The following PACS1 variants were observed in gnomAD, a reference collection of about 807,000 sequenced individuals.
The protein encoded by PACS1 is phosphofurin acidic cluster sorting protein 1, also known as PACS-1.
PACS1 carries 24 observed loss-of-function variants against 115.0 expected under a neutral mutation model. That is an observed-to-expected ratio of 0.21 (90% CI 0.15 to 0.29). The LOEUF (loss-of-function observed/expected upper bound fraction) is 0.29. PACS1 is among the 10% of genes least tolerant of loss of function. PACS1 has a pLI of 1.00. For missense variants in PACS1, 838 were observed against 1,251.2 expected, an observed-to-expected ratio of 0.67 and a Z score of 4.98; for synonymous variants, 453 against 504.5, an observed-to-expected ratio of 0.90 and a Z score of 1.37.
intron 1 of PACS1, among the ~76,000 whole-genome samples, chr11:66,184,904 C>G (rs1427993418): frequency 1.3e-5 from 2 of 152,180 alleles, no homozygotes; most frequent in Non-Finnish European, 2.9e-5. Flanking sequence ...CAGCGGTACT[C>G]TGTCCTTCCT....
In PACS1 at chr11:66,134,254, C is replaced by CTTTTTTTTTTTTTTTTTTTTTTTT. The variant is rs1162472902; in HGVS notation, c.357-59230_357-59207dup. ...TAAATTTCTTTTTCTTTTTCTTTTT[C>CTTTTTTTTTTTTTTTTTTTTTTTT]TTTTTTTTTTTTTTTTTTTTTTTTT... On this transcript the variant is annotated intron_variant, in intron 1 of 23. Transcript: ENST00000320580. 1.2e-4 allele frequency among the ~76,000 whole-genome samples: 9 copies of CTTTTTTTTTTTTTTTTTTTTTTTT among 75,064 alleles called. 2 individuals are homozygous for CTTTTTTTTTTTTTTTTTTTTTTTT. Among genetic ancestry groups the CTTTTTTTTTTTTTTTTTTTTTTTT allele is most frequent in the Admixed American group, 2.4e-4 (1 of 4,206 alleles). 49.2% of individuals were successfully genotyped at this position (75,064 alleles called of 152,430 possible).
intron 2 of PACS1, among the ~76,000 whole-genome samples, chr11:66,199,991 C>G (rs1854742074): frequency 6.6e-6 from 1 of 150,666 alleles, no homozygotes; most frequent in African/African-American, 2.4e-5. Flanking sequence ...TGCACTCCAA[C>G]CCAGGCAACT....
chr11:66,177,295 C>T (rs532131377), intron 1 of PACS1, among the ~76,000 whole-genome samples: 12 of 152,018 alleles, frequency 7.9e-5, no homozygotes, highest in South Asian at 2.1e-4. Context: ...CGGGTTCAAG[C>T]GATTCTCCTG....
intron 1 of PACS1, among the ~76,000 whole-genome samples, chr11:66,110,799 C>G (rs1190064709): frequency 1.3e-5 from 2 of 151,860 alleles, no homozygotes; most frequent in Non-Finnish European, 2.9e-5. Flanking sequence ...GAACTCCTGA[C>G]CTCAAGTGAT....
intron 1 of PACS1, among the ~76,000 whole-genome samples, chr11:66,149,882 T>C (rs1285753213): frequency 2.6e-5 from 4 of 152,126 alleles, no homozygotes; most frequent in Non-Finnish European, 5.9e-5. Context: ...CCTGAGTAGC[T>C]GGGATTACAG....
At chr11:66,174,297 AC>A (rs1859803099) in intron 1 of PACS1, among the ~76,000 whole-genome samples, 1 of 152,202 alleles carries the variant, frequency 6.6e-6, no homozygotes, top group African/African-American at 2.4e-5. Context: ...ATATAGAGAA[AC>A]AAGAACCCTC....
chr11:66,216,295 G>A (rs1477005778), intron 5 of PACS1, 32 bp downstream of exon 5: 12 of 1,612,118 alleles, frequency 7.4e-6, no homozygotes, highest in African/African-American at 6.7e-5. Flanking sequence ...GAGACCCTAC[G>A]AAGAGGGAGC....
Position 66,216,781 on chromosome 11 carries a change from C to T in PACS1, c.978+6C>T. 2.5e-6 allele frequency: 4 copies of T among 1,610,310 alleles called. No individual in the cohort carries two copies. Among genetic ancestry groups the T allele is most frequent in the Non-Finnish European group, 3.4e-6 (4 of 1,176,844 alleles). On this transcript the variant is annotated splice_donor_region_variant and intron_variant, in intron 7 of 23. Transcript: ENST00000320580. Reference sequence around the variant, plus strand: ...CAACCTCTGCCATCACAAGGGTGAGCCTCAAAGGTCTGGGGAGTGGTTGGC... The same window carrying T: ...CAACCTCTGCCATCACAAGGGTGAGTCTCAAAGGTCTGGGGAGTGGTTGGC...
intron 19 of PACS1, 173 bp from the exon 20 acceptor site, chr11:66,238,631 G>A: frequency 1.6e-6 from 1 of 637,596 alleles, no homozygotes; most frequent in Non-Finnish European, 2.7e-6. Context: ...CTCCCAAAGT[G>A]CTGGGATTAC....
chr11:66,098,612 T>C (rs1857839512), intron 1 of PACS1, among the ~76,000 whole-genome samples: 2 of 152,190 alleles, frequency 1.3e-5, no homozygotes, highest in Non-Finnish European at 2.9e-5. Context: ...AACCCTATTG[T>C]CCAATCTATT....
Position 66,222,181 on chromosome 11 carries a change from G to A in PACS1, c.1293+934G>A, listed in dbSNP as rs114579146. ...GCTGAGAGTGTGGCATGGAGTGGGCGTTTGGCCAGTAGTGAGTGGCCCTGC... is the reference window on the plus strand; with the variant it reads ...GCTGAGAGTGTGGCATGGAGTGGGCATTTGGCCAGTAGTGAGTGGCCCTGC... On this transcript the variant is annotated intron_variant, in intron 10 of 23. Coordinates refer to ENST00000320580, the MANE Select transcript of PACS1 (RefSeq NM_018026.4). Among the ~76,000 whole-genome samples, 1,377 of 152,264 alleles carry A rather than the reference G, an allele frequency of 9.0e-3. 27 individuals carry two copies. The highest frequency in any genetic ancestry group is 0.031 in the African/African-American group (1,290 of 41,530).
chr11:66,163,079 T>G (rs1231872447), intron 1 of PACS1, among the ~76,000 whole-genome samples: 1 of 152,158 alleles, frequency 6.6e-6, no homozygotes, highest in African/African-American at 2.4e-5. Flanking sequence ...CCGGGTGTGG[T>G]GGCTCACACC....
chr11:66,223,687 G>C (rs1181011148), intron 10 of PACS1, among the ~76,000 whole-genome samples: 2 of 152,138 alleles, frequency 1.3e-5, no homozygotes, highest in Non-Finnish European at 2.9e-5. Flanking sequence ...AGTGTTCTAG[G>C]AATGTAGAGC....
In PACS1 at chr11:66,149,016, T is replaced by C. The variant is rs149506424; in HGVS notation, c.357-44470T>C. Among the ~76,000 whole-genome samples the C allele has an allele frequency of 3.2e-4, 49 of 152,126 alleles. 2 individuals are homozygous for C. Among genetic ancestry groups the C allele is most frequent in the African/African-American group, 1.1e-3 (47 of 41,508 alleles). ...TAACAGCTGCTAAATGTGATGCATTTGGTCGAAAAGAGATTGAGCAGCACA... is the reference window on the plus strand; with the variant it reads ...TAACAGCTGCTAAATGTGATGCATTCGGTCGAAAAGAGATTGAGCAGCACA... On this transcript the variant is annotated intron_variant, in intron 1 of 23. Coordinates refer to ENST00000320580, the MANE Select transcript of PACS1 (RefSeq NM_018026.4).
At chr11:66,211,771 G>A (rs1855076100) in intron 4 of PACS1, among the ~76,000 whole-genome samples, 1 of 152,176 alleles carries the variant, frequency 6.6e-6, no homozygotes, top group South Asian at 2.1e-4. Context: ...AGATAAGATT[G>A]CCGTCTAACC....
At chr11:66,238,207 C>A (rs894578805) in intron 19 of PACS1, 1 of 985,300 alleles carries the variant, frequency 1.0e-6, no homozygotes, top group Non-Finnish European at 1.2e-6. Context: ...TCCAGGAAGA[C>A]CAGAGAGGAG....
intron 9 of PACS1, 150 bp from the exon 10 acceptor site, chr11:66,221,004 C>G (rs536401425): frequency 2.3e-6 from 2 of 885,504 alleles, no homozygotes; most frequent in South Asian, 3.0e-5. Flanking sequence ...CTGACCCGCC[C>G]CTCCTCTTCA....
At chr11:66,158,397 G>A (rs1211301225) in intron 1 of PACS1, among the ~76,000 whole-genome samples, 1 of 152,238 alleles carries the variant, frequency 6.6e-6, no homozygotes, top group Admixed American at 6.5e-5. Flanking sequence ...GAAGATTGCA[G>A]TAAAGCAGTT....
chr11:66,093,076 G>A (rs1222904072), intron 1 of PACS1, among the ~76,000 whole-genome samples: 4 of 151,974 alleles, frequency 2.6e-5, no homozygotes, highest in Non-Finnish European at 5.9e-5. Context: ...GCTTGATGGG[G>A]ATGGCATTGA....
Sources: allele counts gnomAD v4.1 joint callset (sites outside exome capture counted in the v4.1 genomes callset), GRCh38; gene constraint gnomAD v4.1.1; transcripts MANE v1.5; gene names NCBI Gene and HGNC (gene_info 2026-07-23, HGNC 2026-07-21).